The following LTBP1 variants were observed in gnomAD, a reference collection of about 807,000 sequenced individuals.
The protein encoded by LTBP1 is latent-transforming growth factor beta-binding protein 1.
LTBP1 carries 129 observed loss-of-function variants against 207.6 expected under a neutral mutation model. The ratio of observed to expected loss-of-function variants is 0.62; its 90% CI spans 0.54 to 0.72. The LOEUF (loss-of-function observed/expected upper bound fraction) is 0.72. LTBP1 is among the 30% of genes least tolerant of loss of function. The pLI, the probability that LTBP1 is intolerant of heterozygous loss-of-function variation, is 0.00. For missense variants in LTBP1, 2,281 were observed against 2,217.2 expected, an observed-to-expected ratio of 1.03 and a Z score of -0.58; for synonymous variants, 963 against 833.7, an observed-to-expected ratio of 1.16 and a Z score of -2.67.
intron 3 of LTBP1, among the ~76,000 whole-genome samples, chr2:33,085,561 C>G (rs538925844): frequency 1.3e-4 from 20 of 152,256 alleles, no homozygotes; most frequent in African/African-American, 4.8e-4. Context: ...GTGTTGAGTG[C>G]TTTTTGTGTG....
chr2:33,097,345 T>G (rs1348031505), intron 3 of LTBP1, among the ~76,000 whole-genome samples: 2 of 152,180 alleles, frequency 1.3e-5, no homozygotes, highest in Non-Finnish European at 2.9e-5. Flanking sequence ...AAAGTCAATA[T>G]GTAAAGTTCT....
At chr2:33,131,465 A>G (rs543278037) in intron 4 of LTBP1, among the ~76,000 whole-genome samples, 4 of 152,340 alleles carry the variant, frequency 2.6e-5, no homozygotes, top group African/African-American at 7.2e-5. Flanking sequence ...AGGAGTAGAG[A>G]TGGGAGAACA....
At chr2:33,240,135 A>G (rs1485340176) in intron 9 of LTBP1, among the ~76,000 whole-genome samples, 1 of 152,218 alleles carries the variant, frequency 6.6e-6, no homozygotes, top group Non-Finnish European at 1.5e-5. Flanking sequence ...TCTGAATAGA[A>G]TTACGGTTTA....
chr2:33,128,428 A>G (rs1008978477), intron 4 of LTBP1, among the ~76,000 whole-genome samples: 1 of 152,232 alleles, frequency 6.6e-6, no homozygotes, highest in South Asian at 2.1e-4. Context: ...TATTCTGTTT[A>G]CAGAGAGCAG....
chr2:32,961,836 C>T (rs1196224402), intron 2 of LTBP1, among the ~76,000 whole-genome samples: 1 of 151,582 alleles, frequency 6.6e-6, no homozygotes, highest in Non-Finnish European at 1.5e-5. Context: ...ATCCCAGATA[C>T]TTGGGAGGTT....
intron 32 of LTBP1, among the ~76,000 whole-genome samples, chr2:33,394,586 G>T (rs2095343022): frequency 6.6e-6 from 1 of 152,078 alleles, no homozygotes; most frequent in Non-Finnish European, 1.5e-5. Flanking sequence ...TCTTGTTTTT[G>T]TCAGATTTGT....
intron 24 of LTBP1, among the ~76,000 whole-genome samples, chr2:33,333,352 G>T (rs1005363290): frequency 2.6e-5 from 4 of 151,954 alleles, no homozygotes; most frequent in Admixed American, 1.3e-4. Context: ...TGTTTTCCAG[G>T]TTGCTTTTTG....
chr2:33,243,546 T>C (rs781572560), intron 9 of LTBP1, 116 bp from the exon 10 acceptor site: 9 of 927,054 alleles, frequency 9.7e-6, no homozygotes, highest in Non-Finnish European at 1.4e-5. Flanking sequence ...GCTACATCCT[T>C]TTTTCACTAT....
At chr2:32,957,240 A>G (rs1271305987) in intron 2 of LTBP1, among the ~76,000 whole-genome samples, 1 of 152,228 alleles carries the variant, frequency 6.6e-6, no homozygotes. Flanking sequence ...GTTTTCTTCA[A>G]GAACTTTTTC....
At chr2:33,368,535 A>G (rs1003220210) in intron 31 of LTBP1, among the ~76,000 whole-genome samples, 3 of 152,234 alleles carry the variant, frequency 2.0e-5, no homozygotes, top group African/African-American at 7.2e-5. Context: ...TTAGTAAGAA[A>G]ATTTTGACAA....
At chr2:33,234,294 CT>C (rs2091932081) in intron 9 of LTBP1, among the ~76,000 whole-genome samples, 2 of 151,998 alleles carry the variant, frequency 1.3e-5, no homozygotes, top group Admixed American at 6.6e-5. Flanking sequence ...AAGTGAGTTG[CT>C]ATGTTTATTT....
At chr2:33,348,476 G>C (rs2094734154) in intron 26 of LTBP1, among the ~76,000 whole-genome samples, 2 of 152,274 alleles carry the variant, frequency 1.3e-5, no homozygotes, top group South Asian at 2.1e-4. Flanking sequence ...CTTCATTCAA[G>C]TGACCACCAC....
chr2:33,077,049 T>TAC (rs1558603632), intron 3 of LTBP1, among the ~76,000 whole-genome samples: 1 of 152,070 alleles, frequency 6.6e-6, no homozygotes, highest in Non-Finnish European at 1.5e-5. Flanking sequence ...AGAGGTGATA[T>TAC]TGCTGTTTTA....
At chr2:33,007,103 C>G (rs1302421638) in intron 2 of LTBP1, among the ~76,000 whole-genome samples, 1 of 152,146 alleles carries the variant, frequency 6.6e-6, no homozygotes, top group Non-Finnish European at 1.5e-5. Flanking sequence ...CTCACTCTGT[C>G]GCCCAGGCTG....
chr2:33,008,736 G>A (rs1687271615), intron 2 of LTBP1, among the ~76,000 whole-genome samples: 1 of 152,248 alleles, frequency 6.6e-6, no homozygotes, highest in Non-Finnish European at 1.5e-5. Context: ...TATGATGTCA[G>A]GTAGGGAAAA....
chr2:33,333,742 G>A (rs2094523603), intron 24 of LTBP1, among the ~76,000 whole-genome samples: 1 of 152,146 alleles, frequency 6.6e-6, no homozygotes, highest in African/African-American at 2.4e-5. Flanking sequence ...ATAGGGAATT[G>A]GATCAAGTTA....
At chr2:33,193,988 T>TTATTTATTTATTTATG (rs2088240075) in intron 7 of LTBP1, among the ~76,000 whole-genome samples, 1 of 151,692 alleles carries the variant, frequency 6.6e-6, no homozygotes, top group Non-Finnish European at 1.5e-5. Context: ...TTATTTTTAT[T>TTATTTATTTATTTATG]TATTTATTTA....
chr2:32,985,414 C>G (rs1683399982), intron 2 of LTBP1, among the ~76,000 whole-genome samples: 1 of 152,166 alleles, frequency 6.6e-6, no homozygotes, highest in Admixed American at 6.5e-5. Context: ...AGGATAAATT[C>G]TCACAGCAGG....
Position 33,021,159 on chromosome 2 carries a change from C to A in LTBP1, c.816C>A (p.Thr272=). 6.2e-7 allele frequency: 1 copy of A among 1,611,666 alleles called. No homozygotes were observed. The highest frequency in any genetic ancestry group is 8.5e-7 in the Non-Finnish European group (1 of 1,178,486). Residue 272 remains threonine (T), a synonymous_variant, in exon 3 of 34, where the codon ACC becomes ACA. Coordinates refer to ENST00000404816, the MANE Select transcript of LTBP1 (RefSeq NM_206943.4). The part of the protein sequence containing the change: ...RVSPVAQMTL[T]LKPKPSVGLP... The stretch of plus-strand genomic sequence containing the variant: ...GCCCTGTGGCCCAGATGACCTTAAC[C>A]CTCAAGCCGAAGCCTTCAGTGGGAC...
Sources: gnomAD v4.1 joint callset for allele counts (sites outside exome capture counted in the v4.1 genomes callset) on GRCh38, gnomAD v4.1.1 for gene constraint, MANE v1.5 for transcripts, NCBI Gene and HGNC (gene_info 2026-07-23, HGNC 2026-07-21) for gene names.